The following PLEKHG1 variants were observed in gnomAD, a reference collection of about 807,000 sequenced individuals.
PLEKHG1 encodes pleckstrin homology domain-containing family G member 1.
A neutral mutation model predicts 100.8 loss-of-function variants in PLEKHG1; 44 were observed. That is an observed-to-expected ratio of 0.44 (90% CI 0.34 to 0.56). The LOEUF is 0.56. Among genes scored for constraint, PLEKHG1 ranks in the 20% least tolerant of loss-of-function variants. PLEKHG1 has a pLI of 0.01. For synonymous variants in PLEKHG1, 640 were observed against 662.5 expected (o/e 0.97, Z 0.52); for missense variants, 1,545 against 1,720.9 (o/e 0.90, Z 1.81).
chr6:150,823,347 T>C (rs1293326522), intron 13 of PLEKHG1, among the ~76,000 whole-genome samples: 1 of 152,236 alleles, frequency 6.6e-6, no homozygotes, highest in East Asian at 1.9e-4. Flanking sequence ...CAATTTCTTT[T>C]TCAGGAAACA....
intron 1 of PLEKHG1, among the ~76,000 whole-genome samples, chr6:150,729,918 A>G (rs1010499473): frequency 6.6e-6 from 1 of 152,098 alleles, no homozygotes; most frequent in African/African-American, 2.4e-5. Flanking sequence ...CACCTTTGAA[A>G]GTATTTCTAA....
At chr6:150,660,883 A>G (rs948328969) in intron 3 of PLEKHG1, among the ~76,000 whole-genome samples, 41 of 152,216 alleles carry the variant, frequency 2.7e-4, no homozygotes, top group African/African-American at 9.4e-4. Flanking sequence ...TTGCCTACAT[A>G]GAAAAAGGTG....
At chr6:150,836,361 G>C (rs2128692061) in intron 15 of PLEKHG1, among the ~76,000 whole-genome samples, 1 of 151,942 alleles carries the variant, frequency 6.6e-6, no homozygotes, top group East Asian at 1.9e-4. Context: ...CTGGGCAACA[G>C]AGTGAGACTC....
chr6:150,694,927 G>T (rs1456926823), intron 3 of PLEKHG1, among the ~76,000 whole-genome samples: 1 of 152,012 alleles, frequency 6.6e-6, no homozygotes, highest in East Asian at 1.9e-4. Context: ...TACATCTAAA[G>T]TTTTAAAACC....
intron 5 of PLEKHG1, among the ~76,000 whole-genome samples, chr6:150,798,333 TTA>T (rs887885910): frequency 1.1e-4 from 16 of 152,252 alleles, no homozygotes; most frequent in African/African-American, 3.6e-4. Context: ...GTTTGGGGAA[TTA>T]TGTTTCTATA....
At chr6:150,800,445 G>A (rs910435666) in intron 5 of PLEKHG1, among the ~76,000 whole-genome samples, 3 of 152,162 alleles carry the variant, frequency 2.0e-5, no homozygotes, top group African/African-American at 7.2e-5. Context: ...CAAGCCATGG[G>A]CCCTGGCACA....
chr6:150,825,820 T>C (rs1473715132), intron 14 of PLEKHG1, among the ~76,000 whole-genome samples: 1 of 152,192 alleles, frequency 6.6e-6, no homozygotes, highest in African/African-American at 2.4e-5. Flanking sequence ...AAAGATTAAA[T>C]GCAACATGTT....
At chr6:150,809,710 C>T in exon 10 of PLEKHG1, 1 of 1,613,572 alleles carries the variant, frequency 6.2e-7, no homozygotes, top group South Asian at 1.1e-5. Context: ...TTCTGGAGAA[C>T]CATGCAGCCA....
At chr6:150,631,938 G>A (rs1179454032) in intron 1 of PLEKHG1, among the ~76,000 whole-genome samples, 1 of 152,190 alleles carries the variant, frequency 6.6e-6, no homozygotes, top group Non-Finnish European at 1.5e-5. Context: ...GGGGCTGGCT[G>A]GCTGCTTCCT....
intron 6 of PLEKHG1, 55 bp from the exon 8 acceptor site, chr6:150,804,555 G>A (rs1786926907): frequency 7.1e-7 from 1 of 1,414,554 alleles, no homozygotes; most frequent in Admixed American, 2.2e-5. Context: ...TTGTTTCACT[G>A]TCTATATGAA....
chr6:150,786,868 A>G (rs989121503), intron 4 of PLEKHG1, among the ~76,000 whole-genome samples: 5 of 152,012 alleles, frequency 3.3e-5, no homozygotes, highest in South Asian at 2.1e-4. Flanking sequence ...CGTCTCTACT[A>G]AAAACACAAA....
intron 3 of PLEKHG1, chr6:150,662,866 A>T (rs572166556): frequency 6.6e-6 from 1 of 152,228 alleles, no homozygotes; most frequent in African/African-American, 2.4e-5. Flanking sequence ...AGTGTCAACT[A>T]TGTATTTTTT....
Position 150,714,448 on chromosome 6 carries a change from A to G in PLEKHG1, c.-98-19136A>G, listed in dbSNP as rs180851323. ...TAGAGTCTGGAACGTGTGCCCTTCAAGGCCATCTCAGTTCATGTCATGGCC... is the reference window on the plus strand; with the variant it reads ...TAGAGTCTGGAACGTGTGCCCTTCAGGGCCATCTCAGTTCATGTCATGGCC... On this transcript the variant is annotated intron_variant, in intron 3 of 3. Coordinates refer to the PLEKHG1 transcript ENST00000367326. Among the ~76,000 whole-genome samples the G allele has an allele frequency of 2.0e-5, 3 of 152,326 alleles. No homozygotes were observed. In the East Asian group the frequency reaches 5.8e-4, roughly 29 times the overall value.
chr6:150,809,100 C>T lies in PLEKHG1; in HGVS notation c.913-5C>T. The T allele has an allele frequency of 6.2e-7, 1 of 1,610,806 alleles. No homozygotes were observed. On this transcript the variant is annotated splice_region_variant and splice_polypyrimidine_tract_variant and intron_variant, in intron 7 of 15. Transcript: ENST00000358517. Reference sequence around the variant, plus strand: ...GTAAATGCCATGGCCCATTCCCTTTCTCAGGAGATACAGAGTTTGCTCACT... The same window carrying T: ...GTAAATGCCATGGCCCATTCCCTTTTTCAGGAGATACAGAGTTTGCTCACT...
chr6:150,632,567 G>A (rs758776120), intron 1 of PLEKHG1, among the ~76,000 whole-genome samples: 9 of 152,202 alleles, frequency 5.9e-5, no homozygotes, highest in Non-Finnish European at 1.2e-4. Flanking sequence ...GGCCTCTCCC[G>A]CTTCCTCCAT....
At chr6:150,677,868 C>A (rs1027114647) in intron 3 of PLEKHG1, among the ~76,000 whole-genome samples, 3 of 151,428 alleles carry the variant, frequency 2.0e-5, no homozygotes, top group Non-Finnish European at 4.4e-5. Context: ...CAGAGTGAGA[C>A]CCTGTCTCCA....
intron 10 of PLEKHG1, 99 bp from the exon 12 acceptor site, chr6:150,818,084 A>G (rs1776084900): frequency 2.1e-6 from 2 of 948,516 alleles, no homozygotes; most frequent in Non-Finnish European, 3.3e-6. Context: ...AACGTTTTTA[A>G]AAATCTATTT....
At chr6:150,649,563 C>G (rs1778630932) in intron 2 of PLEKHG1, among the ~76,000 whole-genome samples, 1 of 152,156 alleles carries the variant, frequency 6.6e-6, no homozygotes, top group Non-Finnish European at 1.5e-5. Flanking sequence ...GTTGAAATGT[C>G]TGCGGTTCTT....
At chr6:150,840,519 A>G (rs1179411468) in exon 16 of PLEKHG1, 2 of 1,614,070 alleles carry the variant, frequency 1.2e-6, no homozygotes, top group Non-Finnish European at 1.7e-6. Flanking sequence ...AAATGCCCAA[A>G]TTGCAACACA....
Sources: allele counts gnomAD v4.1 joint callset (sites outside exome capture counted in the v4.1 genomes callset), GRCh38; gene constraint gnomAD v4.1.1; transcripts MANE v1.5; gene names NCBI Gene and HGNC (gene_info 2026-07-23, HGNC 2026-07-21).